The following STK32B variants were observed in gnomAD, a reference collection of about 807,000 sequenced individuals.
STK32B encodes the protein serine/threonine kinase 32B.
STK32B carries 43 observed loss-of-function variants against 52.6 expected under a neutral mutation model. The observed-to-expected ratio is 0.82, with a 90% CI of 0.64 to 1.05. STK32B has a LOEUF of 1.05. Ranked by LOEUF, STK32B falls within the 50% of genes least tolerant of loss-of-function variation. The pLI is 0.00. For synonymous variants in STK32B, 238 were observed against 204.3 expected (o/e 1.17, Z -1.41); for missense variants, 621 against 534.6 (o/e 1.16, Z -1.59).
chr4:5,149,612 T>C (rs1049237428), intron 2 of STK32B, among the ~76,000 whole-genome samples: 4 of 151,904 alleles, frequency 2.6e-5, no homozygotes, highest in Non-Finnish European at 5.9e-5. Flanking sequence ...CTTACAACTG[T>C]AGAGGCCCAT....
At chr4:5,142,546 AT>A (rs1414752201) in intron 2 of STK32B, among the ~76,000 whole-genome samples, 1 of 152,210 alleles carries the variant, frequency 6.6e-6, no homozygotes, top group African/African-American at 2.4e-5. Flanking sequence ...AGTGTTGGGC[AT>A]TTATGTTGTC....
At chr4:5,309,073 C>G (rs1469791630) in intron 3 of STK32B, among the ~76,000 whole-genome samples, 2 of 151,884 alleles carry the variant, frequency 1.3e-5, no homozygotes, top group Non-Finnish European at 2.9e-5. Flanking sequence ...AACCAACATG[C>G]AAATGTAATA....
intron 4 of STK32B, among the ~76,000 whole-genome samples, chr4:5,391,454 A>G (rs1374700059): frequency 1.3e-5 from 2 of 152,196 alleles, no homozygotes; most frequent in African/African-American, 4.8e-5. Context: ...ATAAGATCAC[A>G]TTCTTAGGTA....
At chr4:5,372,003 C>T (rs1735277236) in intron 4 of STK32B, among the ~76,000 whole-genome samples, 1 of 152,244 alleles carries the variant, frequency 6.6e-6, no homozygotes, top group African/African-American at 2.4e-5. Context: ...TTCTCTCCAG[C>T]CCTGGAAACA....
intron 4 of STK32B, among the ~76,000 whole-genome samples, chr4:5,397,606 C>T (rs1298793486): frequency 2.0e-5 from 3 of 152,230 alleles, no homozygotes; most frequent in Non-Finnish European, 1.5e-5. Flanking sequence ...TAGGCTTTGA[C>T]GACCACATTA....
Position 5,484,888 on chromosome 4 carries a change from C to A in STK32B, c.1107-14057C>A, listed in dbSNP as rs914272858. On this transcript the variant is annotated intron_variant, in intron 11 of 11. Transcript: ENST00000282908. ...GATATGAAATTCTGGGTTGAAAATT[C>A]TTTTCTTTAAGAATGTTGATTATTG... is the stretch of plus-strand genomic sequence containing the variant. Among the ~76,000 whole-genome samples, 12 of 152,148 alleles carry A rather than the reference C, an allele frequency of 7.9e-5. No homozygotes were observed. The East Asian group carries it at 9.6e-4, about 12-fold the overall frequency.
chr4:5,076,502 A>G (rs184839209), intron 1 of STK32B, among the ~76,000 whole-genome samples: 21 of 152,310 alleles, frequency 1.4e-4, no homozygotes, highest in African/African-American at 3.6e-4. Flanking sequence ...AGACAAAAGC[A>G]TAGGGGCATT....
intron 3 of STK32B, among the ~76,000 whole-genome samples, chr4:5,250,538 C>G (rs1725853363): frequency 6.6e-6 from 1 of 152,086 alleles, no homozygotes; most frequent in African/African-American, 2.4e-5. Flanking sequence ...GTTTCAAACT[C>G]CTGACCTCAA....
intron 3 of STK32B, among the ~76,000 whole-genome samples, chr4:5,320,545 T>C (rs1731419735): frequency 1.3e-5 from 2 of 152,206 alleles, no homozygotes; most frequent in African/African-American, 4.8e-5. Context: ...TTTTTAACAA[T>C]GTGATATCAG....
At chr4:5,445,244 A>T (rs1246165829) in intron 6 of STK32B, among the ~76,000 whole-genome samples, 1 of 152,198 alleles carries the variant, frequency 6.6e-6, no homozygotes, top group Non-Finnish European at 1.5e-5. Flanking sequence ...GGTCAGATTC[A>T]AGTGTGTAGC....
At chr4:5,192,094 C>A (rs1721253859) in intron 3 of STK32B, among the ~76,000 whole-genome samples, 2 of 152,184 alleles carry the variant, frequency 1.3e-5, no homozygotes, top group Non-Finnish European at 2.9e-5. Flanking sequence ...CACTGATAAA[C>A]GGCCGCCTGG....
chr4:5,460,291 G>C lies in STK32B; in HGVS notation c.909+63G>C. 2 of 1,547,638 alleles carry C rather than the reference G, an allele frequency of 1.3e-6. No individual in the cohort carries two copies. ...TGCAGGGTCCCCGCCTTGGTGCAAA[G>C]CAAGACTTTGGCAGCTGGCTAGTGA... On this transcript the variant is annotated intron_variant, in intron 9 of 11. Transcript: ENST00000282908. This position sits in a 1 kb window ranked among gnomAD's most constrained non-coding sequence, Gnocchi z 4.8.
chr4:5,055,746 G>A (rs943858917), intron 1 of STK32B, among the ~76,000 whole-genome samples: 3 of 151,946 alleles, frequency 2.0e-5, no homozygotes, highest in Non-Finnish European at 4.4e-5. Context: ...TCTTGCCCGA[G>A]GGCATCTCCC....
intron 4 of STK32B, among the ~76,000 whole-genome samples, chr4:5,353,715 C>T (rs965812601): frequency 1.3e-5 from 2 of 152,050 alleles, no homozygotes; most frequent in African/African-American, 4.8e-5. Context: ...GTTAGAATGA[C>T]TACTACTAAA....
chr4:5,224,930 A>C (rs1398380770), intron 3 of STK32B, among the ~76,000 whole-genome samples: 2 of 152,152 alleles, frequency 1.3e-5, no homozygotes, highest in Admixed American at 6.5e-5. Context: ...ATTGTTAGCT[A>C]ATTTTTATTA....
chr4:5,352,418 T>C (rs1323854643), intron 4 of STK32B, among the ~76,000 whole-genome samples: 1 of 151,918 alleles, frequency 6.6e-6, no homozygotes, highest in Non-Finnish European at 1.5e-5. Flanking sequence ...AATCTCTCAA[T>C]AGACTAGGCA....
chr4:5,091,313 G>T (rs1192560885), intron 1 of STK32B, among the ~76,000 whole-genome samples: 1 of 152,074 alleles, frequency 6.6e-6, no homozygotes, highest in African/African-American at 2.4e-5. Context: ...TGGGAGAAGT[G>T]ATGTAAAAAT....
intron 11 of STK32B, among the ~76,000 whole-genome samples, chr4:5,497,034 A>G (rs1720323986): frequency 6.6e-6 from 1 of 152,206 alleles, no homozygotes; most frequent in African/African-American, 2.4e-5. Context: ...GTAGTGAGGC[A>G]GTCTTTGAGT....
At chr4:5,450,906 G>A (rs1186150303) in intron 7 of STK32B, among the ~76,000 whole-genome samples, 1 of 152,124 alleles carries the variant, frequency 6.6e-6, no homozygotes, top group Non-Finnish European at 1.5e-5. Context: ...ACACCTGCTT[G>A]CTGACCATTA....
Sources: gnomAD v4.1 joint callset for allele counts (sites outside exome capture counted in the v4.1 genomes callset) on GRCh38, gnomAD v4.1.1 for gene constraint, Gnocchi (gnomAD v3.1) non-coding constraint, MANE v1.5 for transcripts, NCBI Gene and HGNC (gene_info 2026-07-23, HGNC 2026-07-21) for gene names.